EYS: variants seen among roughly 807,000 people sequenced by gnomAD.
EYS encodes the protein EGF-like photoreceptor maintenance factor.
Under a neutral mutation model 282.1 loss-of-function variants are expected in EYS, and 250 were observed. The observed-to-expected ratio is 0.89, with a 90% CI of 0.80 to 0.98. EYS has a LOEUF of 0.98. Among genes scored for constraint, EYS ranks in the 50% least tolerant of loss-of-function variants. The probability of loss-of-function intolerance (pLI) is 0.00; values close to 1 mark genes in which losing one functional copy is unlikely to be tolerated. For synonymous variants in EYS, 1,355 were observed against 1,282.9 expected (o/e 1.06, Z -1.20); for missense variants, 4,016 against 3,709.0 (o/e 1.08, Z -2.15).
chr6:65,529,432 A>G (rs1262553611), intron 2 of EYS, among the ~76,000 whole-genome samples: 1 of 152,212 alleles, frequency 6.6e-6, no homozygotes. Flanking sequence ...CAGGTGATAC[A>G]ATTCAGAAGT....
At chr6:65,140,236 G>A (rs1046421085) in intron 12 of EYS, among the ~76,000 whole-genome samples, 12 of 151,918 alleles carry the variant, frequency 7.9e-5, no homozygotes, top group African/African-American at 2.9e-4. Flanking sequence ...TAAGTAAAAT[G>A]TATTTTTCTA....
chr6:63,729,693 C>T (rs905963446), intron 41 of EYS, among the ~76,000 whole-genome samples: 2 of 152,032 alleles, frequency 1.3e-5, no homozygotes, highest in Non-Finnish European at 2.9e-5. Context: ...CTTAGCAGTT[C>T]CCTCATTGAA....
At chr6:65,407,864 T>A (rs1766822490) in intron 5 of EYS, among the ~76,000 whole-genome samples, 1 of 151,870 alleles carries the variant, frequency 6.6e-6, no homozygotes, top group Admixed American at 6.6e-5. Context: ...ATAGTCTTGT[T>A]CCCAATTCTT....
At chr6:65,667,926 C>T (rs1402932672) in intron 1 of EYS, among the ~76,000 whole-genome samples, 4 of 151,862 alleles carry the variant, frequency 2.6e-5, no homozygotes, top group African/African-American at 9.7e-5. Flanking sequence ...AAAAGATATT[C>T]AATGGTAATG....
At chr6:65,200,787 C>T (rs1765881231) in intron 12 of EYS, among the ~76,000 whole-genome samples, 1 of 151,924 alleles carries the variant, frequency 6.6e-6, no homozygotes, top group Non-Finnish European at 1.5e-5. Flanking sequence ...AAAATTTTCT[C>T]AAGCTTCCTG....
chr6:64,091,023 C>T (rs1245839337), intron 31 of EYS, among the ~76,000 whole-genome samples: 3 of 152,192 alleles, frequency 2.0e-5, no homozygotes, highest in African/African-American at 7.2e-5. Flanking sequence ...GCATCGAAGA[C>T]TGTTCTTAAC....
chr6:64,200,411 T>C (rs1182562288), intron 31 of EYS, among the ~76,000 whole-genome samples: 1 of 152,102 alleles, frequency 6.6e-6, no homozygotes, highest in Non-Finnish European at 1.5e-5. Flanking sequence ...TAATAAGAAA[T>C]TGTGTATGGA....
At chr6:64,097,892 G>T (rs1772686616) in intron 31 of EYS, among the ~76,000 whole-genome samples, 1 of 152,076 alleles carries the variant, frequency 6.6e-6, no homozygotes, top group African/African-American at 2.4e-5. Flanking sequence ...AGACATTTTG[G>T]CAAAAAATGT....
chr6:64,673,525 TAA>T (rs1489227551), intron 22 of EYS, among the ~76,000 whole-genome samples: 1 of 152,256 alleles, frequency 6.6e-6, no homozygotes, highest in Admixed American at 6.5e-5. Flanking sequence ...ACAGAACTTT[TAA>T]AAGTCACTGT....
At chr6:65,035,660 A>T (rs1772745026) in intron 13 of EYS, among the ~76,000 whole-genome samples, 2 of 151,896 alleles carry the variant, frequency 1.3e-5, no homozygotes, top group Non-Finnish European at 2.9e-5. Flanking sequence ...ATTTCAAAAC[A>T]CTGCTCAAAG....
intron 1 of EYS, among the ~76,000 whole-genome samples, chr6:65,675,074 A>C (rs1401365780): frequency 6.6e-6 from 1 of 151,976 alleles, no homozygotes; most frequent in Admixed American, 6.6e-5. Context: ...GTTTTATGGA[A>C]GCCCCATGGT....
chr6:63,935,799 C>T (rs1765041221), intron 35 of EYS, among the ~76,000 whole-genome samples: 1 of 152,138 alleles, frequency 6.6e-6, no homozygotes, highest in South Asian at 2.1e-4. Flanking sequence ...TCTGTTAAAC[C>T]TTTTACATAC....
intron 31 of EYS, among the ~76,000 whole-genome samples, chr6:64,195,478 G>C (rs994851613): frequency 4.0e-5 from 6 of 151,836 alleles, no homozygotes; most frequent in African/African-American, 1.5e-4. Context: ...AATTTTTGTA[G>C]TTTTAGTAGA....
intron 12 of EYS, among the ~76,000 whole-genome samples, chr6:65,135,769 G>A (rs1776007875): frequency 6.6e-6 from 1 of 151,858 alleles, no homozygotes; most frequent in Non-Finnish European, 1.5e-5. Context: ...TTTTAGTAGT[G>A]ACCATTCATT....
At chr6:64,999,175 G>C (rs1771373452) in intron 13 of EYS, among the ~76,000 whole-genome samples, 1 of 152,252 alleles carries the variant, frequency 6.6e-6, no homozygotes. Flanking sequence ...TGCCAGAAGA[G>C]AACCTAGAGA....
At chr6:64,905,868 A>G (rs1264893888) in intron 16 of EYS, among the ~76,000 whole-genome samples, 2 of 152,130 alleles carry the variant, frequency 1.3e-5, no homozygotes, top group African/African-American at 4.8e-5. Flanking sequence ...GAATGTAAAT[A>G]GGGAAAAAAA....
chr6:64,450,120 T>A lies in EYS; in HGVS notation c.5645-10768A>T, dbSNP rs138603261. 4.2e-3 allele frequency among the ~76,000 whole-genome samples: 643 copies of A among 151,892 alleles called. 5 individuals are homozygous for A. Among genetic ancestry groups the A allele is most frequent in the African/African-American group, 0.015 (605 of 41,394 alleles). On this transcript the variant is annotated intron_variant, in intron 26 of 42. Coordinates refer to ENST00000503581, the MANE Select transcript of EYS (RefSeq NM_001142800.2). Reference sequence around the variant, plus strand: ...CTGTATTCAGGAAACCCATCTCGCATGCAGAGACACACATAGGCTCAAAAT... The same window carrying A: ...CTGTATTCAGGAAACCCATCTCGCAAGCAGAGACACACATAGGCTCAAAAT...
At chr6:65,379,551 C>A (rs1043507283) in intron 8 of EYS, among the ~76,000 whole-genome samples, 31 of 151,738 alleles carry the variant, frequency 2.0e-4, no homozygotes, top group African/African-American at 7.5e-4. Context: ...CTTTGAAAAC[C>A]GACACAAGAC....
At chr6:64,425,119 G>A (rs1350297227) in intron 28 of EYS, among the ~76,000 whole-genome samples, 2 of 152,176 alleles carry the variant, frequency 1.3e-5, no homozygotes, top group South Asian at 4.1e-4. Flanking sequence ...TGCAGCGTGT[G>A]AGAGGGAGGA....
Sources: gnomAD v4.1 joint callset for allele counts (sites outside exome capture counted in the v4.1 genomes callset) on GRCh38, gnomAD v4.1.1 for gene constraint, MANE v1.5 for transcripts, NCBI Gene and HGNC (gene_info 2026-07-23, HGNC 2026-07-21) for gene names.